Variants in PHF2 observed in about 807,000 individuals in gnomAD.
The protein encoded by PHF2 is lysine-specific demethylase PHF2.
PHF2 carries 27 observed loss-of-function variants against 120.5 expected under a neutral mutation model. The ratio of observed to expected loss-of-function variants is 0.22; its 90% CI spans 0.17 to 0.31. The LOEUF is 0.31. Among genes scored for constraint, PHF2 ranks in the 10% least tolerant of loss-of-function variants. The pLI is 1.00. For missense variants in PHF2, 1,024 were observed against 1,434.8 expected (o/e 0.71, Z 4.63); for synonymous variants, 568 against 592.5 (o/e 0.96, Z 0.60).
At chr9:93,590,425 G>T (rs1335671569) in intron 1 of PHF2, among the ~76,000 whole-genome samples, 2 of 152,138 alleles carry the variant, frequency 1.3e-5, no homozygotes, top group African/African-American at 4.8e-5. Flanking sequence ...TCCCACTCCT[G>T]CCCCAGAGCT....
intron 12 of PHF2, among the ~76,000 whole-genome samples, chr9:93,661,565 G>C (rs1017495153): frequency 3.9e-5 from 6 of 152,184 alleles, no homozygotes; most frequent in Non-Finnish European, 8.8e-5. Flanking sequence ...ACGAATTGAT[G>C]GATGGGTGGA....
At chr9:93,668,509 T>G in intron 17 of PHF2, among the ~76,000 whole-genome samples, 1 of 151,672 alleles carries the variant, frequency 6.6e-6, no homozygotes, top group African/African-American at 2.4e-5. Context: ...GTCCTGGGGG[T>G]TGGGGGTGTC....
chr9:93,590,367 A>G (rs1198256526), intron 1 of PHF2, among the ~76,000 whole-genome samples: 1 of 152,198 alleles, frequency 6.6e-6, no homozygotes, highest in Non-Finnish European at 1.5e-5. Flanking sequence ...AGTAGATATG[A>G]GAAGGGCGCC....
chr9:93,596,198 TAGG>T (rs1825329191), intron 1 of PHF2, among the ~76,000 whole-genome samples: 2 of 152,224 alleles, frequency 1.3e-5, no homozygotes, highest in East Asian at 3.9e-4. Context: ...AGCTGTGGGT[TAGG>T]AGGAGGTTTC....
chr9:93,599,763 G>C (rs894166071), intron 1 of PHF2, among the ~76,000 whole-genome samples: 2 of 152,254 alleles, frequency 1.3e-5, no homozygotes, highest in Non-Finnish European at 2.9e-5. Context: ...GGGATTCGGA[G>C]CACGAAAGGG....
chr9:93,643,534 C>T (rs1343494162), intron 3 of PHF2, among the ~76,000 whole-genome samples: 3 of 152,212 alleles, frequency 2.0e-5, no homozygotes, highest in Admixed American at 6.5e-5. Context: ...TTCTTCAGTT[C>T]TAATCTTAAC....
At position 93,677,746 on chromosome 9, in the gene PHF2, A is replaced by G; in HGVS notation, c.*70A>G. 1 of 1,209,194 alleles carries G rather than the reference A, an allele frequency of 8.3e-7. No homozygotes were observed. Among genetic ancestry groups the G allele is most frequent in the East Asian group, 2.4e-5 (1 of 42,532 alleles). 74.9% of individuals were successfully genotyped at this position (1,209,194 alleles called of 1,614,324 possible). On this transcript the variant is annotated 3_prime_UTR_variant, in exon 22 of 22. Coordinates refer to ENST00000359246, the MANE Select transcript of PHF2 (RefSeq NM_005392.4). This position sits in a 1 kb window ranked among gnomAD's most constrained non-coding sequence, Gnocchi z 4.4. ...AGCCCCGCGAAAACATCTGCCTCCC[A>G]GGAGGGTGCCGAGCTGCCTCACCAG...
intron 1 of PHF2, among the ~76,000 whole-genome samples, chr9:93,626,001 G>A (rs1047651751): frequency 1.3e-5 from 2 of 151,960 alleles, no homozygotes; most frequent in African/African-American, 2.4e-5. Context: ...CCAGCACTTC[G>A]GGAGGCCAAG....
At chr9:93,674,811 G>A (rs886451772) in intron 18 of PHF2, 116 bp from the exon 19 acceptor site, 34 of 706,030 alleles carry the variant, frequency 4.8e-5, no homozygotes, top group African/African-American at 1.7e-5. Flanking sequence ...GCAGGCCTTA[G>A]TGTAGGCCCT....
At chr9:93,607,439 ATTTTTTTTT>A (rs36083667) in intron 1 of PHF2, among the ~76,000 whole-genome samples, 16 of 100,540 alleles carry the variant, frequency 1.6e-4, no homozygotes, top group African/African-American at 2.0e-4. Flanking sequence ...TGCCTGGCTA[ATTTTTTTTT>A]TTTTTTTTTT....
At chr9:93,653,599 C>T (rs80199733) in intron 6 of PHF2, among the ~76,000 whole-genome samples, 223 of 152,238 alleles carry the variant, frequency 1.5e-3, no homozygotes, top group African/African-American at 5.1e-3. Flanking sequence ...GATTCAGGCT[C>T]GTTAACAATT....
In PHF2 at chr9:93,673,725, C is replaced by T; in HGVS notation, c.2489C>T (p.Ala830Val). 6.2e-7 allele frequency: 1 copy of T among 1,613,222 alleles called. No homozygotes were observed. The highest frequency in any genetic ancestry group is 8.5e-7 in the Non-Finnish European group (1 of 1,179,740). Residue 830 changes from alanine (A) to valine (V), a missense_variant, in exon 18 of 22, where the codon GCC becomes GTC. Around this residue, in one of 2 missense-constraint regions of PHF2, gnomAD observed 677 missense variants for 857.4 expected, o/e 0.79. Transcript: ENST00000359246. ...GGGAGCTCGCTGGCTGCCCATGGTG[C>T]CCGGAAGAATGGGGGTGGCAGTGGC... ...AKGSSLAAHG[A>V]RKNGGGSGKS... is the part of the protein sequence containing the mutation.
At chr9:93,669,712 G>T (rs1285728117) in intron 17 of PHF2, among the ~76,000 whole-genome samples, 1 of 152,194 alleles carries the variant, frequency 6.6e-6, no homozygotes, top group Non-Finnish European at 1.5e-5. Context: ...GTCCAGCATG[G>T]GTAACTTTTG....
At chr9:93,641,057 T>C (rs1826164906) in intron 3 of PHF2, among the ~76,000 whole-genome samples, 1 of 152,156 alleles carries the variant, frequency 6.6e-6, no homozygotes, top group South Asian at 2.1e-4. Flanking sequence ...GGAGGGGAAG[T>C]GTTCTATAAT....
chr9:93,673,918 T>G, intron 18 of PHF2, 56 bp downstream of exon 18: 2 of 1,497,584 alleles, frequency 1.3e-6, no homozygotes, highest in Non-Finnish European at 1.8e-6. Context: ...AAGGCCTGGC[T>G]GAGAATGGAG....
intron 6 of PHF2, 83 bp downstream of exon 6, chr9:93,653,448 G>C: frequency 7.0e-7 from 1 of 1,421,268 alleles, no homozygotes; most frequent in South Asian, 1.2e-5. Context: ...CACAAGCCCT[G>C]ATTGGCCAGG....
chr9:93,612,771 A>G (rs568920778), intron 1 of PHF2, among the ~76,000 whole-genome samples: 1 of 152,258 alleles, frequency 6.6e-6, no homozygotes, highest in Admixed American at 6.5e-5. Context: ...TTTTGTATCC[A>G]CAAGGTTGGC....
At chr9:93,650,076 CAT>C (rs1214020168) in intron 5 of PHF2, among the ~76,000 whole-genome samples, 61 of 151,114 alleles carry the variant, frequency 4.0e-4, no homozygotes, top group African/African-American at 1.4e-3. Flanking sequence ...TGGACGTACT[CAT>C]GACACATTCA....
At chr9:93,584,857 C>G (rs1249402091) in intron 1 of PHF2, among the ~76,000 whole-genome samples, 2 of 152,210 alleles carry the variant, frequency 1.3e-5, no homozygotes, top group African/African-American at 4.8e-5. Context: ...GTCTTTTGAT[C>G]CATGAACGTG....
Sources: allele counts gnomAD v4.1 joint callset (sites outside exome capture counted in the v4.1 genomes callset), GRCh38; gene constraint gnomAD v4.1.1; regional missense constraint gnomAD v4.1.1; non-coding constraint Gnocchi (gnomAD v3.1); transcripts MANE v1.5; gene names NCBI Gene and HGNC (gene_info 2026-07-23, HGNC 2026-07-21).